LCLAT1: variants seen among roughly 807,000 people sequenced by gnomAD.
The protein encoded by LCLAT1 is lysocardiolipin acyltransferase 1, also known as 1-AGP acyltransferase 8.
In LCLAT1, 11 loss-of-function variants were observed where a neutral mutation model predicts 30.7. The observed-to-expected ratio is 0.36, with a 90% CI of 0.23 to 0.59. LCLAT1 has a LOEUF of 0.59. Ranked by LOEUF, LCLAT1 falls within the 20% of genes least tolerant of loss-of-function variation. The probability of loss-of-function intolerance (pLI) is 0.77; values close to 1 mark genes in which losing one functional copy is unlikely to be tolerated. For synonymous variants in LCLAT1, 155 were observed against 151.3 expected (o/e 1.02, Z -0.18); for missense variants, 402 against 458.6 (o/e 0.88, Z 1.13).
chr2:30,499,660 A>G (rs2148340153), intron 1 of LCLAT1, among the ~76,000 whole-genome samples: 1 of 152,326 alleles, frequency 6.6e-6, no homozygotes, highest in Admixed American at 6.5e-5. Context: ...TCAGATTTTC[A>G]AAGATGTCTT....
intron 1 of LCLAT1, among the ~76,000 whole-genome samples, chr2:30,525,363 G>A (rs549747706): frequency 2.6e-4 from 39 of 152,146 alleles, no homozygotes; most frequent in Middle Eastern, 3.4e-3. Context: ...AGCGTGAGTC[G>A]CCGCACCCGA....
chr2:30,584,403 T>G (rs1666339126), intron 5 of LCLAT1, among the ~76,000 whole-genome samples: 1 of 152,234 alleles, frequency 6.6e-6, no homozygotes, highest in Non-Finnish European at 1.5e-5. Context: ...ACATTTAGAA[T>G]GGCTTTAATA....
intron 5 of LCLAT1, among the ~76,000 whole-genome samples, chr2:30,637,684 TCTC>T (rs1169052206): frequency 6.6e-6 from 1 of 152,172 alleles, no homozygotes; most frequent in African/African-American, 2.4e-5. Flanking sequence ...TTCAAGCAAT[TCTC>T]CTGCCTCAGC....
At chr2:30,583,543 T>C (rs1278530154) in intron 5 of LCLAT1, among the ~76,000 whole-genome samples, 1 of 152,202 alleles carries the variant, frequency 6.6e-6, no homozygotes, top group Non-Finnish European at 1.5e-5. Context: ...GGCAAGATAA[T>C]GCTGAAACAT....
At chr2:30,497,704 C>T (rs1684185520) in intron 1 of LCLAT1, among the ~76,000 whole-genome samples, 1 of 152,120 alleles carries the variant, frequency 6.6e-6, no homozygotes, top group Non-Finnish European at 1.5e-5. Context: ...TTAATTTAAA[C>T]TGAGCTTTGC....
chr2:30,481,974 A>G (rs543973028), intron 1 of LCLAT1, among the ~76,000 whole-genome samples: 12 of 152,360 alleles, frequency 7.9e-5, no homozygotes, highest in African/African-American at 2.9e-4. Context: ...TGAATTTTGT[A>G]GGAGGCTTCC....
At chr2:30,540,488 A>C (rs747585191) in intron 3 of LCLAT1, among the ~76,000 whole-genome samples, 5 of 152,182 alleles carry the variant, frequency 3.3e-5, no homozygotes, top group Non-Finnish European at 5.9e-5. Flanking sequence ...AGAGTATGAG[A>C]GATATTGTCC....
intron 3 of LCLAT1, among the ~76,000 whole-genome samples, chr2:30,553,738 C>T (rs1367980753): frequency 6.6e-6 from 1 of 151,966 alleles, no homozygotes; most frequent in African/African-American, 2.4e-5. Flanking sequence ...TGGCGTGAAC[C>T]CGGGAAGCGG....
intron 1 of LCLAT1, among the ~76,000 whole-genome samples, chr2:30,506,148 TAACTAAAA>T (rs1684647786): frequency 1.3e-5 from 2 of 152,162 alleles, no homozygotes; most frequent in Non-Finnish European, 2.9e-5. Flanking sequence ...AAGTTCTCCC[TAACTAAAA>T]AGCTTGTTAT....
chr2:30,517,627 C>G (rs950484922), intron 1 of LCLAT1, among the ~76,000 whole-genome samples: 1 of 152,142 alleles, frequency 6.6e-6, no homozygotes, highest in South Asian at 2.1e-4. Context: ...GGAGCATATT[C>G]CTATAGTGGC....
At chr2:30,580,964 G>A (rs1274119959) in intron 5 of LCLAT1, among the ~76,000 whole-genome samples, 1 of 152,092 alleles carries the variant, frequency 6.6e-6, no homozygotes, top group African/African-American at 2.4e-5. Flanking sequence ...GTTGGGAGTA[G>A]GTGGTGAGAA....
At chr2:30,562,703 T>C (rs1665291150) in intron 4 of LCLAT1, among the ~76,000 whole-genome samples, 1 of 152,192 alleles carries the variant, frequency 6.6e-6, no homozygotes, top group Non-Finnish European at 1.5e-5. Context: ...TTTTAAAATA[T>C]CAGGCTTTTA....
At chr2:30,449,474 A>AT (rs1340292710) in intron 1 of LCLAT1, among the ~76,000 whole-genome samples, 1 of 148,454 alleles carries the variant, frequency 6.7e-6, no homozygotes, top group Admixed American at 6.7e-5. Context: ...TTAAAAAGTT[A>AT]TTTTGAAACA....
chr2:30,564,111 A>G (rs1665366793), intron 4 of LCLAT1, among the ~76,000 whole-genome samples: 1 of 152,204 alleles, frequency 6.6e-6, no homozygotes, highest in South Asian at 2.1e-4. Flanking sequence ...GTTGATTTCC[A>G]GAACTAAATT....
At position 30,640,161 on chromosome 2, in the gene LCLAT1, C is replaced by T. The variant is rs766492259; in HGVS notation, c.673C>T (p.His225Tyr). The change falls in exon 6 of 6, where the codon CAC (histidine) becomes TAC (tyrosine). Residue 225 changes from histidine to tyrosine, a missense_variant. His to Tyr is a moderately conservative substitution (Grantham distance 83, BLOSUM62 2). Coordinates refer to ENST00000379509, the MANE Select transcript of LCLAT1 (RefSeq NM_001002257.3). ...CCATGATATCACTGTGGCGTATCCTCACAACATTCCTCAATCAGAGAAGCA... is the reference window on the plus strand; with the variant it reads ...CCATGATATCACTGTGGCGTATCCTTACAACATTCCTCAATCAGAGAAGCA... ...AVHDITVAYP[H>Y]NIPQSEKHLL... 1.2e-5 allele frequency: 20 copies of T among 1,613,944 alleles called. No homozygotes were observed. The highest frequency in any genetic ancestry group is 1.6e-5 in the Non-Finnish European group (19 of 1,179,916).
intron 5 of LCLAT1, among the ~76,000 whole-genome samples, chr2:30,582,546 T>G (rs942798783): frequency 1.3e-5 from 2 of 152,262 alleles, no homozygotes; most frequent in Non-Finnish European, 2.9e-5. Flanking sequence ...TTGTCCAACT[T>G]TGCTTATTAT....
chr2:30,487,536 A>G (rs1572513286), intron 1 of LCLAT1, among the ~76,000 whole-genome samples: 2 of 152,204 alleles, frequency 1.3e-5, no homozygotes, highest in African/African-American at 4.8e-5. Context: ...ACAAACTAAA[A>G]TCTGCCTTTC....
At chr2:30,476,473 C>G (rs763995850) in intron 1 of LCLAT1, 4 of 456,700 alleles carry the variant, frequency 8.8e-6, no homozygotes, top group Non-Finnish European at 1.8e-5. Context: ...TCGATTCTTA[C>G]AGGAACGCAG....
At chr2:30,620,880 CT>C (rs1426030856) in intron 5 of LCLAT1, among the ~76,000 whole-genome samples, 1 of 152,136 alleles carries the variant, frequency 6.6e-6, no homozygotes, top group Non-Finnish European at 1.5e-5. Context: ...CCTTCCTTGC[CT>C]TTTCCAGCTT....
Sources: gnomAD v4.1 joint callset for allele counts (sites outside exome capture counted in the v4.1 genomes callset) on GRCh38, gnomAD v4.1.1 for gene constraint, MANE v1.5 for transcripts, NCBI Gene and HGNC (gene_info 2026-07-23, HGNC 2026-07-21) for gene names.